The following VILL variants were observed in gnomAD, a reference collection of about 807,000 sequenced individuals.
VILL encodes the protein villin like.
In VILL, 102 loss-of-function variants were observed where a neutral mutation model predicts 106.3. The observed-to-expected ratio is 0.96, with a 90% CI of 0.82 to 1.13. VILL has a LOEUF of 1.13. Ranked by LOEUF, VILL falls within the 50% of genes most tolerant of loss-of-function variation. The pLI is 0.00. For missense variants in VILL, 1,076 were observed against 1,116.6 expected, an observed-to-expected ratio of 0.96 and a Z score of 0.52; for synonymous variants, 431 against 440.3, an observed-to-expected ratio of 0.98 and a Z score of 0.27.
In VILL at chr3:37,994,416, G is replaced by C; in HGVS notation, c.291G>C (p.Ala97=). 2.5e-6 allele frequency: 4 copies of C among 1,612,612 alleles called. No homozygotes were observed. In the East Asian group the frequency reaches 6.7e-5, roughly 27 times the overall value. The change falls in exon 4 of 20, where the codon GCG becomes GCC. Residue 97 remains alanine (A), a synonymous_variant. Coordinates refer to ENST00000383759, the MANE Select transcript of VILL (RefSeq NM_015873.4). ...GCCAGACCGTGCTGCACCGCGAGGC[G>C]CAGGGCCACGAGTCCGACTGCTTCT... ...LGGQTVLHRE[A]QGHESDCFCS...
In VILL at chr3:37,994,353, G is replaced by A; in HGVS notation, c.228G>A (p.Ala76=). 1 of 1,611,620 alleles carries A rather than the reference G, an allele frequency of 6.2e-7. No homozygotes were observed. Among genetic ancestry groups the A allele is most frequent in the Non-Finnish European group, 8.5e-7 (1 of 1,179,638 alleles). The stretch of plus-strand genomic sequence containing the variant: ...CGGGTGCGGAAGCGCAGGGCGCTGC[G>A]GAGGCCTTCCAGCAGCGCCTACAGG... The part of the protein sequence containing the change: ...KQAGAEAQGA[A]EAFQQRLQDE... The change falls in exon 4 of 20, where the codon GCG becomes GCA. Residue 76 remains alanine (A), a synonymous_variant. Transcript: ENST00000383759.
chr3:37,993,937 A>G lies in VILL; in HGVS notation c.100A>G (p.Asn34Asp). 1 of 1,614,132 alleles carries G rather than the reference A, an allele frequency of 6.2e-7. No individual in the cohort carries two copies. ...MVPVPEGAYG[N>D]FFEEHCYVIL... The stretch of plus-strand genomic sequence containing the variant: ...GCCGGTACCCGAGGGGGCTTACGGG[A>G]ACTTTTTTGAGGAACACTGCTATGT... Residue 34 changes from asparagine (N) to aspartate (D), a missense_variant, in exon 3 of 20, where the codon AAC becomes GAC. By Grantham distance (23) the Asn-to-Asp change is conservative. Coordinates refer to ENST00000383759, the MANE Select transcript of VILL (RefSeq NM_015873.4).
Position 38,002,591 on chromosome 3 carries a change from A to T in VILL, c.1659+16A>T, listed in dbSNP as rs372857464. ...GTTTGGGAAGGTACCCACAGCACTGACCACTTGATTCATGCCCAGATGTAG... is the reference window on the plus strand; with the variant it reads ...GTTTGGGAAGGTACCCACAGCACTGTCCACTTGATTCATGCCCAGATGTAG... On this transcript the variant is annotated intron_variant, in intron 14 of 19. Transcript: ENST00000383759. 27 of 1,606,800 alleles carry T rather than the reference A, an allele frequency of 1.7e-5. No homozygotes were observed. The highest frequency in any genetic ancestry group is 2.2e-5 in the Non-Finnish European group (26 of 1,175,868).
At chr3:38,005,279 T>TC in intron 16 of VILL, among the ~76,000 whole-genome samples, 1 of 152,058 alleles carries the variant, frequency 6.6e-6, no homozygotes, top group Non-Finnish European at 1.5e-5. Flanking sequence ...TTCCCCCTGC[T>TC]CCCCCCTCAC....
rs1432050194 is a variant in VILL, at chr3:37,998,395, A to G, written c.942+31A>G. The G allele has an allele frequency of 1.2e-6, 2 of 1,606,450 alleles. No individual in the cohort carries two copies. Among genetic ancestry groups the G allele is most frequent in the Admixed American group, 1.7e-5 (1 of 59,958 alleles). On this transcript the variant is annotated intron_variant, in intron 9 of 19. Coordinates refer to ENST00000383759, the MANE Select transcript of VILL (RefSeq NM_015873.4). This position sits in a 1 kb window ranked among gnomAD's most constrained non-coding sequence, Gnocchi z 4.1. Reference sequence around the variant, plus strand: ...CCCTGGGGCTCTGTCTGAGAGGAACAGAGCACTGCCCTGGGGTCTGAGTGG... The same window carrying G: ...CCCTGGGGCTCTGTCTGAGAGGAACGGAGCACTGCCCTGGGGTCTGAGTGG...
chr3:38,000,566 C>T (rs908588526), intron 11 of VILL, among the ~76,000 whole-genome samples: 3 of 152,130 alleles, frequency 2.0e-5, no homozygotes, highest in Middle Eastern at 3.4e-3. Context: ...AGGCGAGGGA[C>T]GGAGGGAAAG....
chr3:37,989,287 G>C (rs187474104), upstream of VILL, among the ~76,000 whole-genome samples: 5 of 152,336 alleles, frequency 3.3e-5, no homozygotes, highest in African/African-American at 9.6e-5. Flanking sequence ...CGTGCTGGGA[G>C]AGATGTGACA....
intron 16 of VILL, 36 bp downstream of exon 16, chr3:38,004,435 C>A (rs560096985): frequency 6.3e-7 from 1 of 1,589,960 alleles, no homozygotes; most frequent in Non-Finnish European, 8.6e-7. Context: ...GGGCTGTGAA[C>A]GGGGGTGTGT....
upstream of VILL, among the ~76,000 whole-genome samples, chr3:37,988,589 G>C (rs1276593809): frequency 6.6e-6 from 1 of 152,224 alleles, no homozygotes; most frequent in Non-Finnish European, 1.5e-5. Flanking sequence ...CAGGCCGGGC[G>C]TGGTGGCTTA....
chr3:37,996,963 C>G, intron 5 of VILL, 114 bp from the exon 6 acceptor site: 1 of 847,232 alleles, frequency 1.2e-6, no homozygotes, highest in South Asian at 1.5e-5. Flanking sequence ...TCACACATGC[C>G]TACGTACACC....
Position 37,997,128 on chromosome 3 carries a change from C to T in VILL, c.502C>T (p.Leu168=), listed in dbSNP as rs140014837. Residue 168 remains leucine (L), a synonymous_variant, in exon 6 of 20, where the codon CTA becomes TTA. Coordinates refer to ENST00000383759, the MANE Select transcript of VILL (RefSeq NM_015873.4). The surrounding 1 kb of genome is among the most constrained non-coding windows in gnomAD (Gnocchi z 4.7). ...FNKGDIFLLD[L]GKMMIQWNGP... Reference sequence around the variant, plus strand: ...TAAGGGTGACATCTTCCTGCTGGACCTAGGCAAGATGATGATTCAGTGGAA... The same window carrying T: ...TAAGGGTGACATCTTCCTGCTGGACTTAGGCAAGATGATGATTCAGTGGAA... The T allele has an allele frequency of 6.2e-7, 1 of 1,614,128 alleles. No individual in the cohort carries two copies. The highest frequency in any genetic ancestry group is 1.1e-5 in the South Asian group (1 of 91,084).
At chr3:38,002,937 C>T (rs1699845856) in intron 14 of VILL, 2 of 561,588 alleles carry the variant, frequency 3.6e-6, no homozygotes, top group East Asian at 6.1e-5. Context: ...CTGGGGGCCT[C>T]CTATCCCATG....
chr3:38,002,779 C>T, intron 14 of VILL: 1 of 637,132 alleles, frequency 1.6e-6, no homozygotes, highest in Non-Finnish European at 2.6e-6. Context: ...GTCCGCAGGT[C>T]AGAGCCAGGC....
rs745961021 is a variant in VILL, at chr3:38,004,212, G to C, written c.1806-43G>C. 1.9e-6 allele frequency: 3 copies of C among 1,577,816 alleles called. No homozygotes were observed. In the African/African-American group the frequency reaches 4.0e-5, roughly 21 times the overall value. ...GGGCACTTGTGCCATGGGCTGGGGT[G>C]CCCCTCTGGGTGGCTCACAGCCTTG... On this transcript the variant is annotated intron_variant, in intron 15 of 19. Coordinates refer to ENST00000383759, the MANE Select transcript of VILL (RefSeq NM_015873.4).
At chr3:37,991,100 A>T (rs1699603840) in intron 1 of VILL, 1 of 152,120 alleles carries the variant, frequency 6.6e-6, no homozygotes, top group South Asian at 2.1e-4. Context: ...CCTGCCCCCA[A>T]CCCTGGCCCC....
rs1699652519 is a variant in VILL at position 37,993,972 on chromosome 3, C to T, written c.135C>T (p.His45=). Residue 45 remains histidine, a splice_region_variant and synonymous_variant, in exon 3 of 20, where the codon CAC becomes CAT. Coordinates refer to ENST00000383759, the MANE Select transcript of VILL (RefSeq NM_015873.4). ...FFEEHCYVIL[H]VPQSPKATQG... The stretch of plus-strand genomic sequence containing the variant: ...AGGAACACTGCTATGTCATCCTCCA[C>T]GTGAGTCGCTTGGGGAAGTCTGCCT... 1.2e-6 allele frequency: 2 copies of T among 1,614,062 alleles called. No individual in the cohort carries two copies. Among genetic ancestry groups the T allele is most frequent in the African/African-American group, 1.3e-5 (1 of 74,926 alleles).
At position 38,002,649 on chromosome 3, in the gene VILL, G is replaced by A. The variant is rs1255824405; in HGVS notation, c.1659+74G>A. ...AGGCTGGGGGTGGGTCCTCTCCACA[G>A]GGCATGCAGACTTTGAGTCCAGCCT... On this transcript the variant is annotated intron_variant, in intron 14 of 19. Coordinates refer to ENST00000383759, the MANE Select transcript of VILL (RefSeq NM_015873.4). 1.1e-5 allele frequency: 17 copies of A among 1,517,824 alleles called. No homozygotes were observed. The South Asian group carries it at 1.3e-4, about 11-fold the overall frequency. 94.0% of individuals were successfully genotyped at this position (1,517,824 alleles called of 1,614,324 possible).
chr3:37,993,861 G>T, intron 2 of VILL, 37 bp from the exon 3 acceptor site: 2 of 1,612,998 alleles, frequency 1.2e-6, no homozygotes, highest in Non-Finnish European at 1.7e-6. Flanking sequence ...ATGGGTAGAG[G>T]CCTCCTGAGT....
Position 38,002,199 on chromosome 3 carries a change from G to A in VILL, c.1480-197G>A, listed in dbSNP as rs545333211. 2.8e-5 allele frequency: 18 copies of A among 637,232 alleles called. 1 individual carries two copies. The South Asian group carries it at 3.4e-4, about 12-fold the overall frequency. The allele number at this position is 637,232 out of a possible 1,614,324, so 39.5% of individuals were successfully genotyped here. A position where few individuals can be genotyped will look rare whatever the true frequency, so the allele number is the denominator to read the frequency against. On this transcript the variant is annotated intron_variant, in intron 13 of 19. Transcript: ENST00000383759. ...GGGGGGAAAGGTCCATTTAAAAAGG[G>A]TCTGTCCCTGTCCCAGACTGATGGG... is the stretch of plus-strand genomic sequence containing the variant.
Sources: allele counts gnomAD v4.1 joint callset (sites outside exome capture counted in the v4.1 genomes callset), GRCh38; gene constraint gnomAD v4.1.1; non-coding constraint Gnocchi (gnomAD v3.1); transcripts MANE v1.5; gene names NCBI Gene and HGNC (gene_info 2026-07-23, HGNC 2026-07-21).